HAVCR1: variants seen among roughly 807,000 people sequenced by gnomAD.
The protein encoded by HAVCR1 is T cell immunoglobin domain and mucin domain protein 1.
A neutral mutation model predicts 32.0 loss-of-function variants in HAVCR1; 34 were observed. The ratio of observed to expected loss-of-function variants is 1.06; its 90% CI spans 0.81 to 1.42. The LOEUF (loss-of-function observed/expected upper bound fraction) is 1.42, where lower values mean the gene tolerates loss of function less well. Among genes scored for constraint, HAVCR1 ranks in the 40% most tolerant of loss-of-function variants. The pLI is 0.00. For missense variants in HAVCR1, 420 were observed against 442.3 expected (o/e 0.95, Z 0.45); for synonymous variants, 178 against 170.3 (o/e 1.05, Z -0.35).
At position 157,052,343 on chromosome 5, in the gene HAVCR1, C is replaced by T. The variant is rs1755786630; in HGVS notation, c.673+18G>A. 1 of 1,612,262 alleles carries T rather than the reference C, an allele frequency of 6.2e-7. No homozygotes were observed. Among genetic ancestry groups the T allele is most frequent in the Non-Finnish European group, 8.5e-7 (1 of 1,178,422 alleles). Reference sequence around the variant, plus strand: ...CCTCATTAGAAGGCCTTTGGGCTTCCAAACACATCTGTTTTACCTGGTTCA... The same window carrying T: ...CCTCATTAGAAGGCCTTTGGGCTTCTAAACACATCTGTTTTACCTGGTTCA... On this transcript the variant is annotated intron_variant, in intron 4 of 8. Transcript: ENST00000523175.
At chr5:157,057,088 A>C (rs1756200867) in intron 2 of HAVCR1, among the ~76,000 whole-genome samples, 1 of 151,878 alleles carries the variant, frequency 6.6e-6, no homozygotes. Context: ...AGGCCGAGGC[A>C]GGTGGATCAC....
rs576646174 is a variant in HAVCR1, at chr5:157,030,265, T to A, written c.987-424A>T. ...TGATCCTTTAGAGAGGGTTGTTAAA[T>A]CTACTTAGCCATCTACATCCTATAT... On this transcript the variant is annotated intron_variant, in intron 8 of 8. Transcript: ENST00000523175. 6.6e-5 allele frequency among the ~76,000 whole-genome samples: 10 copies of A among 152,302 alleles called. No homozygotes were observed. In the East Asian group the frequency reaches 1.9e-3, roughly 29 times the overall value.
At position 157,052,554 on chromosome 5, in the gene HAVCR1, A is replaced by AGTT. The variant is rs1755818850; in HGVS notation, c.479_480insAAC (p.Thr160dup). The AGTT allele has an allele frequency of 4.3e-6, 1 of 231,296 alleles. No individual in the cohort carries two copies. The highest frequency in any genetic ancestry group is 5.8e-6 in the Non-Finnish European group (1 of 173,418). The allele number at this position is 231,296 out of a possible 1,614,324, so 14.3% of individuals were successfully genotyped here. A position where few individuals can be genotyped will look rare whatever the true frequency, so the allele number is the denominator to read the frequency against. On this transcript the variant is annotated inframe_insertion, in exon 4 of 9. Transcript: ENST00000523175. The stretch of plus-strand genomic sequence containing the variant: ...TTGTTGGAACAGTTGTCGTTGGAAC[A>AGTT]GTCGTCATTGGAACAGTCGTTGTCG...
At chr5:157,044,438 A>G (rs1469416391) in intron 5 of HAVCR1, among the ~76,000 whole-genome samples, 8 of 41,418 alleles carry the variant, frequency 1.9e-4, no homozygotes, top group Admixed American at 8.1e-4. Flanking sequence ...AAAGAAAGAA[A>G]GAAAGAAAGA....
rs1754259567 is a variant in HAVCR1 at position 157,032,888 on chromosome 5, C to A, written c.953-1G>T. On this transcript the variant is annotated splice_acceptor_variant, in intron 7 of 8. Transcript: ENST00000523175. LOFTEE classifies it high-confidence loss of function. ...TGAACCTCCTTTTTGAAGAAATACT[C>A]TAAATTGAAGGGGTGGGGAGAGAGG... 1 of 1,565,930 alleles carries A rather than the reference C, an allele frequency of 6.4e-7. No homozygotes were observed. Among genetic ancestry groups the A allele is most frequent in the Admixed American group, 1.8e-5 (1 of 56,928 alleles).
intron 2 of HAVCR1, among the ~76,000 whole-genome samples, chr5:157,056,774 T>C (rs916071031): frequency 3.9e-5 from 6 of 152,196 alleles, no homozygotes; most frequent in African/African-American, 1.4e-4. Context: ...TATAGAAGTA[T>C]ATAATGAGAG....
In HAVCR1 at chr5:157,032,763, G is replaced by T. The variant is rs563153494; in HGVS notation, c.986+91C>A. ...TGGACTGTCAGGATCCAAGGTATGC[G>T]ATGGAGAGTTTAGGAGAGAGACAGA... On this transcript the variant is annotated intron_variant, in intron 8 of 8. Transcript: ENST00000523175. The T allele has an allele frequency of 2.3e-5, 18 of 790,256 alleles. No homozygotes were observed. In the South Asian group the frequency reaches 2.6e-4, roughly 11 times the overall value. The allele number at this position is 790,256 out of a possible 1,614,324, so 49.0% of individuals were successfully genotyped here.
intron 5 of HAVCR1, among the ~76,000 whole-genome samples, chr5:157,044,506 AGGAG>A (rs1329975165): frequency 1.6e-5 from 2 of 127,840 alleles, no homozygotes; most frequent in African/African-American, 3.2e-5. Flanking sequence ...GAAGGAAGGA[AGGAG>A]GAAGGAAGGA....
chr5:157,052,365 T>G lies in HAVCR1; in HGVS notation c.669A>C (p.Glu223Asp), dbSNP rs773354737. 3.1e-6 allele frequency: 5 copies of G among 1,614,094 alleles called. No homozygotes were observed. Among genetic ancestry groups the G allele is most frequent in the Non-Finnish European group, 4.2e-6 (5 of 1,179,922 alleles). The change falls in exon 4 of 9, where the codon GAA (glutamate) becomes GAC (aspartate). Residue 223 changes from glutamate to aspartate, a missense_variant. Transcript: ENST00000523175. ...TTCCAAACACATCTGTTTTACCTGG[T>G]TCATGGTTCTGCCTGGGCAAAGGCA... is the stretch of plus-strand genomic sequence containing the variant. ...PPMPLPRQNH[E>D]PVATSPSSPQ...
chr5:157,036,921 C>T (rs1754570952), intron 7 of HAVCR1, among the ~76,000 whole-genome samples: 1 of 144,296 alleles, frequency 6.9e-6, no homozygotes, highest in African/African-American at 2.6e-5. Flanking sequence ...AAATGGGGTC[C>T]CACCATGTTG....
At chr5:157,033,543 A>G in intron 7 of HAVCR1, among the ~76,000 whole-genome samples, 1 of 120,944 alleles carries the variant, frequency 8.3e-6, no homozygotes, top group Non-Finnish European at 1.6e-5. Context: ...CTTTCCCCAG[A>G]TATCTCGATA....
chr5:157,042,469 A>C (rs559857846), intron 6 of HAVCR1, among the ~76,000 whole-genome samples, 158 bp downstream of exon 6: 3 of 151,392 alleles, frequency 2.0e-5, no homozygotes, highest in South Asian at 2.1e-4. Flanking sequence ...AAATTAAAGC[A>C]TCCTATTTAA....
upstream of HAVCR1, among the ~76,000 whole-genome samples, chr5:157,063,134 AAAGAAAG>A (rs1561610498): frequency 2.7e-4 from 37 of 136,936 alleles, no homozygotes; most frequent in East Asian, 1.3e-3. Flanking sequence ...AAAAAAAAAG[AAAGAAAG>A]AAAGAAAGAA....
chr5:157,046,072 G>A (rs180972641), intron 5 of HAVCR1, among the ~76,000 whole-genome samples: 27 of 152,250 alleles, frequency 1.8e-4, no homozygotes, highest in African/African-American at 6.0e-4. Flanking sequence ...CTTTCAAAAC[G>A]AAATGTCGCC....
upstream of HAVCR1, among the ~76,000 whole-genome samples, chr5:157,059,448 G>T (rs74795803): frequency 3.5e-3 from 530 of 152,036 alleles, 1 homozygote; most frequent in African/African-American, 0.012. Context: ...GGCCGAGTAG[G>T]CCAGTCACCT....
At chr5:157,066,517 T>A in the HAVCR1 span, among the ~76,000 whole-genome samples, 108,999 of 143,014 alleles carry the variant, frequency 0.76, 42,040 homozygotes, top group East Asian at 0.99. Flanking sequence ...AAAAAAAAAA[T>A]AAAAGTTTTG....
chr5:157,055,917 TA>T (rs1472526546), intron 2 of HAVCR1, among the ~76,000 whole-genome samples: 1 of 151,886 alleles, frequency 6.6e-6, no homozygotes, highest in Non-Finnish European at 1.5e-5. Context: ...TTACTTTCTT[TA>T]AAAAAATATT....
At chr5:157,059,623 C>T (rs1257975934), upstream of HAVCR1, among the ~76,000 whole-genome samples, 1 of 151,992 alleles carries the variant, frequency 6.6e-6, no homozygotes, top group African/African-American at 2.4e-5. Context: ...TGCAGTGAGC[C>T]GAGATCAAGC....
chr5:157,029,723 C>T lies in HAVCR1; in HGVS notation c.*10G>A, dbSNP rs373813178. The T allele has an allele frequency of 6.2e-7, 1 of 1,612,934 alleles. No homozygotes were observed. Among genetic ancestry groups the T allele is most frequent in the Non-Finnish European group, 8.5e-7 (1 of 1,179,912 alleles). On this transcript the variant is annotated 3_prime_UTR_variant, in exon 9 of 9. Transcript: ENST00000523175. ...CATGGGCGTAAACTCTCAAAGAGCA[C>T]CACTGGGTCTTAGTCCGTGGCATAA...
Sources: gnomAD v4.1 joint callset for allele counts (sites outside exome capture counted in the v4.1 genomes callset) on GRCh38, gnomAD v4.1.1 for gene constraint, MANE v1.5 for transcripts, NCBI Gene and HGNC (gene_info 2026-07-23, HGNC 2026-07-21) for gene names.